CCSER1: variants seen among roughly 807,000 people sequenced by gnomAD.
CCSER1 encodes serine-rich coiled-coil domain-containing protein 1.
A neutral mutation model predicts 82.0 loss-of-function variants in CCSER1; 41 were observed. The ratio of observed to expected loss-of-function variants is 0.50; its 90% confidence interval spans 0.39 to 0.65. The LOEUF is 0.65. Ranked by LOEUF, CCSER1 falls within the 30% of genes least tolerant of loss-of-function variation. The pLI is 0.00. For missense variants in CCSER1, 1,119 were observed against 1,064.2 expected (o/e 1.05, Z -0.72); for synonymous variants, 414 against 383.9 (o/e 1.08, Z -0.92).
intron 7 of CCSER1, among the ~76,000 whole-genome samples, chr4:90,799,049 C>T (rs2168076): frequency 0.35 from 52,909 of 152,018 alleles, 9,570 homozygotes; most frequent in African/African-American, 0.46. Context: ...TCCTGCCTCC[C>T]TTCAGGCATT....
At chr4:91,125,186 A>G (rs547578713) in intron 10 of CCSER1, among the ~76,000 whole-genome samples, 34 of 151,892 alleles carry the variant, frequency 2.2e-4, no homozygotes, top group African/African-American at 7.7e-4. Context: ...ATCAGGATTT[A>G]TGAAATAATT....
intron 8 of CCSER1, among the ~76,000 whole-genome samples, chr4:90,914,989 C>G (rs2150210270): frequency 6.6e-6 from 1 of 152,180 alleles, no homozygotes; most frequent in South Asian, 2.1e-4. Flanking sequence ...TCTGAATAGA[C>G]CAATAACAGG....
chr4:90,133,590 C>T (rs1187132716), intron 1 of CCSER1, among the ~76,000 whole-genome samples: 4 of 152,168 alleles, frequency 2.6e-5, no homozygotes, highest in Non-Finnish European at 5.9e-5. Flanking sequence ...GTCTTTCAAG[C>T]TTAAATATAA....
chr4:91,442,574 T>C (rs1403357526), intron 10 of CCSER1, among the ~76,000 whole-genome samples: 21 of 138,168 alleles, frequency 1.5e-4, no homozygotes, highest in Admixed American at 6.0e-4. Context: ...AAGGACTTCA[T>C]GTCTAAAACA....
intron 10 of CCSER1, among the ~76,000 whole-genome samples, chr4:91,463,477 C>A (rs1756640292): frequency 6.6e-6 from 1 of 152,194 alleles, no homozygotes; most frequent in Non-Finnish European, 1.5e-5. Flanking sequence ...AATGCAGCTC[C>A]TCACCAGCAA....
At chr4:90,506,212 A>G (rs1770657106) in intron 5 of CCSER1, among the ~76,000 whole-genome samples, 1 of 152,218 alleles carries the variant, frequency 6.6e-6, no homozygotes, top group Non-Finnish European at 1.5e-5. Flanking sequence ...AAGGGATAAC[A>G]TTAAGTAAAG....
chr4:91,512,194 A>G (rs1759865269), intron 10 of CCSER1, among the ~76,000 whole-genome samples: 1 of 152,156 alleles, frequency 6.6e-6, no homozygotes, highest in Admixed American at 6.5e-5. Flanking sequence ...GTTGCCAAAG[A>G]AGATTAACAT....
At chr4:91,422,646 A>C (rs192291934) in intron 10 of CCSER1, among the ~76,000 whole-genome samples, 327 of 152,316 alleles carry the variant, frequency 2.1e-3, no homozygotes, top group African/African-American at 7.7e-3. Flanking sequence ...TTTTTTAAAA[A>C]GAATTCCAGT....
At chr4:90,699,075 G>A (rs1293614340) in intron 6 of CCSER1, among the ~76,000 whole-genome samples, 6 of 151,856 alleles carry the variant, frequency 4.0e-5, no homozygotes, top group Admixed American at 2.6e-4. Context: ...CACTCCAGCC[G>A]GGGCGAAAGA....
At chr4:91,348,698 T>A (rs1390946264) in intron 10 of CCSER1, among the ~76,000 whole-genome samples, 1 of 152,160 alleles carries the variant, frequency 6.6e-6, no homozygotes, top group African/African-American at 2.4e-5. Flanking sequence ...TTTCAAGGAA[T>A]TGCTCCATTT....
intron 9 of CCSER1, among the ~76,000 whole-genome samples, chr4:91,059,521 TA>T (rs1029872855): frequency 6.6e-5 from 10 of 151,346 alleles, no homozygotes; most frequent in Non-Finnish European, 1.5e-4. Context: ...AATTTCTTTC[TA>T]TCATGGTATT....
At chr4:90,394,453 CT>C (rs1751673669) in intron 3 of CCSER1, among the ~76,000 whole-genome samples, 1 of 152,094 alleles carries the variant, frequency 6.6e-6, no homozygotes, top group African/African-American at 2.4e-5. Context: ...TAAATGTCTC[CT>C]TTTGAAGAGA....
At chr4:91,014,731 A>G (rs983254377) in intron 9 of CCSER1, among the ~76,000 whole-genome samples, 1 of 152,222 alleles carries the variant, frequency 6.6e-6, no homozygotes, top group Non-Finnish European at 1.5e-5. Context: ...ATAATCTTAA[A>G]TGAGAGATTA....
intron 3 of CCSER1, among the ~76,000 whole-genome samples, chr4:90,377,855 A>G (rs1253591429): frequency 6.6e-6 from 1 of 152,150 alleles, no homozygotes; most frequent in Non-Finnish European, 1.5e-5. Context: ...GAAAATTTTC[A>G]TAGAAAATAA....
At chr4:91,367,281 C>G (rs1412215455) in intron 10 of CCSER1, among the ~76,000 whole-genome samples, 1 of 138,304 alleles carries the variant, frequency 7.2e-6, no homozygotes, top group African/African-American at 2.7e-5. Flanking sequence ...TGCACCGCTG[C>G]ACTCCAGCAT....
At chr4:90,717,044 G>A (rs1188833783) in intron 6 of CCSER1, among the ~76,000 whole-genome samples, 1 of 152,166 alleles carries the variant, frequency 6.6e-6, no homozygotes, top group East Asian at 1.9e-4. Flanking sequence ...ACAGAAACAC[G>A]TTCTTATGAC....
chr4:90,769,676 G>T (rs549146819), intron 7 of CCSER1, among the ~76,000 whole-genome samples: 2 of 152,260 alleles, frequency 1.3e-5, no homozygotes, highest in Admixed American at 1.3e-4. Flanking sequence ...GACGAAGAGG[G>T]ATTATATTCA....
At chr4:90,866,544 A>C (rs1344372697) in intron 8 of CCSER1, among the ~76,000 whole-genome samples, 1 of 151,966 alleles carries the variant, frequency 6.6e-6, no homozygotes, top group African/African-American at 2.4e-5. Context: ...TCTTAAGAAA[A>C]CCCATTAAAT....
intron 5 of CCSER1, among the ~76,000 whole-genome samples, chr4:90,590,301 C>G (rs1384691749): frequency 6.6e-6 from 1 of 151,552 alleles, no homozygotes; most frequent in Admixed American, 6.6e-5. Context: ...GAAGATTGGC[C>G]AGGTACGGTG....
Sources: allele counts gnomAD v4.1 joint callset (sites outside exome capture counted in the v4.1 genomes callset), GRCh38; gene constraint gnomAD v4.1.1; transcripts MANE v1.5; gene names NCBI Gene and HGNC (gene_info 2026-07-23, HGNC 2026-07-21).